CYP27A1: variants seen among roughly 807,000 people sequenced by gnomAD.
CYP27A1 encodes cytochrome P450 family 27 subfamily A member 1, also known as sterol 26-hydroxylase, mitochondrial.
In CYP27A1, 46 loss-of-function variants were observed where a neutral mutation model predicts 58.2. The ratio of observed to expected loss-of-function variants is 0.79; its 90% CI spans 0.62 to 1.01. The LOEUF is 1.01. CYP27A1 is among the 50% of genes least tolerant of loss of function. CYP27A1 has a pLI of 0.00. For synonymous variants in CYP27A1, 274 were observed against 285.1 expected (o/e 0.96, Z 0.39); for missense variants, 704 against 687.0 (o/e 1.02, Z -0.28).
chr2:218,792,175 A>G (rs1195869337), intron 1 of CYP27A1, among the ~76,000 whole-genome samples: 1 of 152,230 alleles, frequency 6.6e-6, no homozygotes, highest in Non-Finnish European at 1.5e-5. Flanking sequence ...AGGAAGGACA[A>G]GGTGGCTGTC....
chr2:218,804,600 G>A (rs917526983), intron 1 of CYP27A1, among the ~76,000 whole-genome samples: 52 of 152,180 alleles, frequency 3.4e-4, no homozygotes, highest in African/African-American at 8.7e-4. Context: ...TTTTGAAAGG[G>A]AATGCATTGA....
intron 1 of CYP27A1, among the ~76,000 whole-genome samples, chr2:218,802,415 T>C (rs1055390960): frequency 1.3e-5 from 2 of 152,238 alleles, no homozygotes; most frequent in Non-Finnish European, 2.9e-5. Flanking sequence ...TGCTAATTAT[T>C]TATTTACTTC....
chr2:218,789,215 T>C (rs1267751771), intron 1 of CYP27A1, among the ~76,000 whole-genome samples: 1 of 152,230 alleles, frequency 6.6e-6, no homozygotes, highest in Non-Finnish European at 1.5e-5. Flanking sequence ...TAAATTATGG[T>C]ACATCCATAT....
chr2:218,793,203 G>A (rs903748219), intron 1 of CYP27A1, among the ~76,000 whole-genome samples: 4 of 152,116 alleles, frequency 2.6e-5, no homozygotes, highest in Non-Finnish European at 5.9e-5. Flanking sequence ...AGCCTCCCGA[G>A]TAGCTGGGAC....
chr2:218,808,985 C>T (rs1485980627), intron 1 of CYP27A1, among the ~76,000 whole-genome samples: 1 of 151,980 alleles, frequency 6.6e-6, no homozygotes, highest in Non-Finnish European at 1.5e-5. Flanking sequence ...CATATGGAAG[C>T]TCAGGAAACT....
At chr2:218,789,423 C>T (rs1943469228) in intron 1 of CYP27A1, among the ~76,000 whole-genome samples, 1 of 152,198 alleles carries the variant, frequency 6.6e-6, no homozygotes, top group South Asian at 2.1e-4. Flanking sequence ...CCAGTGCAGC[C>T]ATGTGGTGGA....
In CYP27A1 at chr2:218,812,931, G is replaced by A. The variant is rs587778814; in HGVS notation, c.852G>A (p.Lys284=). The change falls in exon 5 of 9, where the codon AAG becomes AAA. Residue 284 remains lysine, a synonymous_variant. Transcript: ENST00000258415. ...GWNAIFSFGK[K]LIDEKLEDME... ...TCTCTGTTGCTTTCACAGGGAAGAA[G>A]CTGATTGATGAGAAGCTCGAAGATA... The A allele has an allele frequency of 6.2e-7, 1 of 1,614,244 alleles. No individual in the cohort carries two copies. The highest frequency in any genetic ancestry group is 8.5e-7 in the Non-Finnish European group (1 of 1,180,044).
At chr2:218,811,083 G>A (rs571528473) in intron 2 of CYP27A1, among the ~76,000 whole-genome samples, 1 of 152,204 alleles carries the variant, frequency 6.6e-6, no homozygotes, top group Non-Finnish European at 1.5e-5. Flanking sequence ...CCTGGGAGGT[G>A]GAGGTTGCAG....
At position 218,782,243 on chromosome 2, in the gene CYP27A1, T is replaced by C. The variant is rs751804153; in HGVS notation, c.61T>C (p.Cys21Arg). The change falls in exon 1 of 9, where the codon TGC becomes CGC. Residue 21 changes from cysteine (C) to arginine (R), a missense_variant. Transcript: ENST00000258415. The surrounding 1 kb of genome is among the most constrained non-coding windows in gnomAD (Gnocchi z 4.1). ...GCTGCGAGGGGCCGGCCGTGGCCTCTGCCCCCACGGGGCCAGAGCCAAGGC... is the reference window on the plus strand; with the variant it reads ...GCTGCGAGGGGCCGGCCGTGGCCTCCGCCCCCACGGGGCCAGAGCCAAGGC... ...WALRGAGRGLCPHGARAKAAI... is the reference protein window; with the variant it reads ...WALRGAGRGLRPHGARAKAAI... The C allele has an allele frequency of 2.0e-5, 31 of 1,549,336 alleles. No homozygotes were observed. In the South Asian group the frequency reaches 3.7e-4, roughly 18 times the overall value.
chr2:218,799,700 A>T (rs1357829209), intron 1 of CYP27A1, among the ~76,000 whole-genome samples: 1 of 150,944 alleles, frequency 6.6e-6, no homozygotes, highest in Non-Finnish European at 1.5e-5. Context: ...CATACATCCT[A>T]TTGTTTCTTT....
intron 1 of CYP27A1, among the ~76,000 whole-genome samples, chr2:218,786,629 C>G (rs1012121345): frequency 2.0e-5 from 3 of 152,024 alleles, no homozygotes; most frequent in Admixed American, 6.5e-5. Flanking sequence ...ACATATTGAT[C>G]CTGAGAATTA....
chr2:218,784,082 G>C (rs943389093), intron 1 of CYP27A1, among the ~76,000 whole-genome samples: 1 of 152,092 alleles, frequency 6.6e-6, no homozygotes, highest in Non-Finnish European at 1.5e-5. Context: ...CCACACTCCA[G>C]AGAAAACTGG....
rs1310308127 is a variant in CYP27A1 at position 218,782,464 on chromosome 2, G to C, written c.255+27G>C. ...TAACCCGCGGGGGCATCGCGTCCTGGGGATGGGAGTGGGCACCGGAACAGA... is the reference window on the plus strand; with the variant it reads ...TAACCCGCGGGGGCATCGCGTCCTGCGGATGGGAGTGGGCACCGGAACAGA... On this transcript the variant is annotated intron_variant, in intron 1 of 8. Coordinates refer to ENST00000258415, the MANE Select transcript of CYP27A1 (RefSeq NM_000784.4). The surrounding 1 kb of genome is among the most constrained non-coding windows in gnomAD (Gnocchi z 4.1). The C allele has an allele frequency of 1.2e-6, 2 of 1,613,846 alleles. No individual in the cohort carries two copies. Among genetic ancestry groups the C allele is most frequent in the Non-Finnish European group, 1.7e-6 (2 of 1,179,956 alleles).
chr2:218,813,683 G>A (rs188010864), intron 5 of CYP27A1, among the ~76,000 whole-genome samples: 25 of 151,924 alleles, frequency 1.6e-4, no homozygotes, highest in Non-Finnish European at 3.2e-4. Context: ...TGCCTGCCTC[G>A]GCCTCTCAAA....
At chr2:218,806,260 G>A (rs1386222093) in intron 1 of CYP27A1, among the ~76,000 whole-genome samples, 1 of 152,174 alleles carries the variant, frequency 6.6e-6, no homozygotes, top group Middle Eastern at 3.2e-3. Flanking sequence ...CTTCAAAATG[G>A]TATATATTTG....
At position 218,782,985 on chromosome 2, in the gene CYP27A1, A is replaced by G. The variant is rs1017959157; in HGVS notation, c.255+548A>G. Among the ~76,000 whole-genome samples, 10 of 152,152 alleles carry G rather than the reference A, an allele frequency of 6.6e-5. No individual in the cohort carries two copies. Among genetic ancestry groups the G allele is most frequent in the African/African-American group, 2.2e-4 (9 of 41,432 alleles). Reference sequence around the variant, plus strand: ...AAGAAATCAGTCTGAGGCCGGGTGCAGTGGCTCACACCTGTAATCTCAGCA... The same window carrying G: ...AAGAAATCAGTCTGAGGCCGGGTGCGGTGGCTCACACCTGTAATCTCAGCA... On this transcript the variant is annotated intron_variant, in intron 1 of 8. Coordinates refer to ENST00000258415, the MANE Select transcript of CYP27A1 (RefSeq NM_000784.4). The surrounding 1 kb of genome is among the most constrained non-coding windows in gnomAD (Gnocchi z 4.1).
chr2:218,813,609 T>C (rs1362015536), intron 5 of CYP27A1, among the ~76,000 whole-genome samples: 1 of 152,060 alleles, frequency 6.6e-6, no homozygotes, highest in Non-Finnish European at 1.5e-5. Context: ...CTTTAAATTT[T>C]AGTAGAGACG....
chr2:218,811,128 C>CAAACA (rs1173771778), intron 2 of CYP27A1, among the ~76,000 whole-genome samples: 3 of 152,094 alleles, frequency 2.0e-5, no homozygotes, highest in Non-Finnish European at 4.4e-5. Flanking sequence ...GACTCTGTCT[C>CAAACA]AAACAAAACA....
intron 1 of CYP27A1, among the ~76,000 whole-genome samples, chr2:218,807,025 TG>T (rs1452883956): frequency 2.0e-5 from 3 of 148,418 alleles, no homozygotes; most frequent in African/African-American, 5.0e-5. Flanking sequence ...GGCATGATCT[TG>T]GCTCACTGTA....
Sources: gnomAD v4.1 joint callset for allele counts (sites outside exome capture counted in the v4.1 genomes callset) on GRCh38, gnomAD v4.1.1 for gene constraint, Gnocchi (gnomAD v3.1) non-coding constraint, MANE v1.5 for transcripts, NCBI Gene and HGNC (gene_info 2026-07-23, HGNC 2026-07-21) for gene names.